PRKAG2: variants seen among roughly 807,000 people sequenced by gnomAD.
The protein encoded by PRKAG2 is 5'-AMP-activated protein kinase subunit gamma-2.
PRKAG2 carries 26 observed loss-of-function variants against 69.6 expected under a neutral mutation model. The ratio of observed to expected loss-of-function variants is 0.37; its 90% CI spans 0.27 to 0.52. The LOEUF (loss-of-function observed/expected upper bound fraction) is 0.52, where lower values mean the gene tolerates loss of function less well. Among genes scored for constraint, PRKAG2 ranks in the 20% least tolerant of loss-of-function variants. The pLI is 0.90. For synonymous variants in PRKAG2, 293 were observed against 285.0 expected, an observed-to-expected ratio of 1.03 and a Z score of -0.28; for missense variants, 557 against 740.0, an observed-to-expected ratio of 0.75 and a Z score of 2.87.
intron 5 of PRKAG2, among the ~76,000 whole-genome samples, chr7:151,611,219 G>C (rs1818757397): frequency 6.6e-6 from 1 of 152,166 alleles, no homozygotes; most frequent in Non-Finnish European, 1.5e-5. Context: ...TCCCCATCTG[G>C]AACCCACACA....
Position 151,836,482 on chromosome 7 carries a change from GA to G in PRKAG2, c.114+40024del, listed in dbSNP as rs2079149857. 6.6e-6 allele frequency among the ~76,000 whole-genome samples: 1 copy of G among 152,234 alleles called. No individual in the cohort carries two copies. Among genetic ancestry groups the G allele is most frequent in the African/African-American group, 2.4e-5 (1 of 41,466 alleles). Reference sequence around the variant, plus strand: ...TCCCTTCACTCAGTCACCAAAACAAGAAACAAAAACAACAACAACAACAAAG... The same window carrying G: ...TCCCTTCACTCAGTCACCAAAACAAGAACAAAAACAACAACAACAACAAAG... On this transcript the variant is annotated intron_variant, in intron 1 of 15. Transcript: ENST00000287878. The surrounding 1 kb of genome is among the most constrained non-coding windows in gnomAD (Gnocchi z 4.1).
At position 151,807,022 on chromosome 7, in the gene PRKAG2, A is replaced by G. The variant is rs969936120; in HGVS notation, c.115-20481T>C. 3 of 454,776 alleles carry G rather than the reference A, an allele frequency of 6.6e-6. No individual in the cohort carries two copies. The highest frequency in any genetic ancestry group is 1.3e-5 in the Non-Finnish European group (3 of 226,012). 28.2% of individuals were successfully genotyped at this position (454,776 alleles called of 1,614,324 possible). A position where few individuals can be genotyped will look rare whatever the true frequency, so the allele number is the denominator to read the frequency against. On this transcript the variant is annotated intron_variant, in intron 1 of 15. Transcript: ENST00000287878. This position sits in a 1 kb window ranked among gnomAD's most constrained non-coding sequence, Gnocchi z 4.4. ...ACCTGGGTTCAGAATTGCGCTGGAC[A>G]TGGGATACACAAAGGTAAGACATGG...
intron 1 of PRKAG2, among the ~76,000 whole-genome samples, chr7:151,797,574 C>T (rs1486481220): frequency 3.9e-5 from 6 of 152,214 alleles, no homozygotes; most frequent in African/African-American, 1.2e-4. Context: ...TCCATATTTA[C>T]AGAGCCATAC....
At chr7:151,824,016 G>T (rs548580123) in intron 1 of PRKAG2, among the ~76,000 whole-genome samples, 1 of 152,302 alleles carries the variant, frequency 6.6e-6, no homozygotes, top group South Asian at 2.1e-4. Context: ...GAGGCCCCCA[G>T]TTATTCTTGG....
chr7:151,683,747 C>G (rs1383072176), intron 3 of PRKAG2, among the ~76,000 whole-genome samples: 1 of 152,128 alleles, frequency 6.6e-6, no homozygotes, highest in Non-Finnish European at 1.5e-5. Flanking sequence ...AGTGCCACAG[C>G]CAGAGAGGGA....
chr7:151,846,068 C>G (rs756113112), intron 1 of PRKAG2, among the ~76,000 whole-genome samples: 1 of 152,194 alleles, frequency 6.6e-6, no homozygotes, highest in Non-Finnish European at 1.5e-5. Flanking sequence ...CCCCTACTTG[C>G]GGTGTGTGAG....
At chr7:151,595,605 CTCACTAAT>C (rs1814300232) in intron 5 of PRKAG2, 151 bp from the exon 6 acceptor site, 1 of 675,244 alleles carries the variant, frequency 1.5e-6, no homozygotes, top group Non-Finnish European at 2.7e-6. Flanking sequence ...GATGCTCACT[CTCACTAAT>C]TCTATGAACA....
chr7:151,583,440 C>T lies in PRKAG2; in HGVS notation c.865-6988G>A, dbSNP rs1018174085. On this transcript the variant is annotated intron_variant, in intron 6 of 15. Coordinates refer to ENST00000287878, the MANE Select transcript of PRKAG2 (RefSeq NM_016203.4). This position sits in a 1 kb window ranked among gnomAD's most constrained non-coding sequence, Gnocchi z 4.1. Reference sequence around the variant, plus strand: ...GTACAATGCATTAAAGAGCAGTGTCCTGGGTGAGCTCGGGAGGGGCCTGAC... The same window carrying T: ...GTACAATGCATTAAAGAGCAGTGTCTTGGGTGAGCTCGGGAGGGGCCTGAC... 7.2e-5 allele frequency among the ~76,000 whole-genome samples: 11 copies of T among 152,312 alleles called. 1 individual carries two copies. The highest frequency in any genetic ancestry group is 7.2e-4 in the Admixed American group (11 of 15,302).
chr7:151,727,759 T>C (rs73728282), intron 3 of PRKAG2, among the ~76,000 whole-genome samples: 2,964 of 152,202 alleles, frequency 0.019, 155 homozygotes, highest in East Asian at 0.16. Context: ...AGGCCCTGTA[T>C]CCCCTGGGAG....
Position 151,638,640 on chromosome 7 carries a change from A to T in PRKAG2, c.685-6502T>A, listed in dbSNP as rs1479949821. Among the ~76,000 whole-genome samples, 1 of 152,144 alleles carries T rather than the reference A, an allele frequency of 6.6e-6. No homozygotes were observed. Among genetic ancestry groups the T allele is most frequent in the Non-Finnish European group, 1.5e-5 (1 of 68,024 alleles). ...AGAGTGAGACTCTGTCTCAAAAAAA[A>T]AAGCTAAATTATTAAGTTGTGTCTT... On this transcript the variant is annotated intron_variant, in intron 4 of 15. Transcript: ENST00000287878. This position sits in a 1 kb window ranked among gnomAD's most constrained non-coding sequence, Gnocchi z 4.3.
chr7:151,714,675 C>T (rs549473895), intron 3 of PRKAG2, among the ~76,000 whole-genome samples: 13 of 152,228 alleles, frequency 8.5e-5, no homozygotes, highest in South Asian at 6.2e-4. Context: ...GTGGGCCGGG[C>T]GCAGTAGCTC....
intron 3 of PRKAG2, among the ~76,000 whole-genome samples, chr7:151,759,216 C>T (rs2075277734): frequency 6.6e-6 from 1 of 152,162 alleles, no homozygotes; most frequent in African/African-American, 2.4e-5. Context: ...GCATCGTGGG[C>T]CCCTCCGCCA....
intron 1 of PRKAG2, among the ~76,000 whole-genome samples, chr7:151,794,586 C>T (rs896324345): frequency 1.3e-5 from 2 of 152,284 alleles, no homozygotes; most frequent in Admixed American, 6.5e-5. Context: ...AAGGCATCAT[C>T]ACCAGGGCAG....
chr7:151,753,012 G>GC (rs2074817320), intron 3 of PRKAG2, among the ~76,000 whole-genome samples: 1 of 152,256 alleles, frequency 6.6e-6, no homozygotes, highest in Non-Finnish European at 1.5e-5. Flanking sequence ...GCCCAGGGCA[G>GC]CCCACGGATG....
rs1226285320 is a variant in PRKAG2, at chr7:151,614,165, C to T, written c.754+17904G>A. Among the ~76,000 whole-genome samples, 2 of 152,162 alleles carry T rather than the reference C, an allele frequency of 1.3e-5. No homozygotes were observed. Among genetic ancestry groups the T allele is most frequent in the African/African-American group, 4.8e-5 (2 of 41,430 alleles). ...GAGCGCCCCAGCCAGCACTCCAACA[C>T]GGCCTGTCAGGGGAGGTGACGCTGT... is the stretch of plus-strand genomic sequence containing the variant. On this transcript the variant is annotated intron_variant, in intron 5 of 15. Transcript: ENST00000287878. This position sits in a 1 kb window ranked among gnomAD's most constrained non-coding sequence, Gnocchi z 4.4.
intron 8 of PRKAG2, 147 bp downstream of exon 8, chr7:151,574,744 T>C (rs967294134): frequency 3.0e-5 from 33 of 1,098,248 alleles, no homozygotes; most frequent in Non-Finnish European, 3.7e-5. Context: ...CTGCATGTTA[T>C]ATAGATTTGG....
intron 1 of PRKAG2, among the ~76,000 whole-genome samples, chr7:151,863,895 C>T (rs1296727292): frequency 1.2e-5 from 1 of 84,226 alleles, no homozygotes; most frequent in Non-Finnish European, 2.4e-5. Flanking sequence ...CAGAGCAAAA[C>T]CCTGTCTCAA....
chr7:151,697,050 C>T (rs1019922461), intron 3 of PRKAG2, among the ~76,000 whole-genome samples: 2 of 151,884 alleles, frequency 1.3e-5, no homozygotes, highest in East Asian at 1.9e-4. Context: ...TCTGAGTCAG[C>T]GGGATGGAGG....
At chr7:151,587,435 G>A (rs1003751994) in intron 6 of PRKAG2, among the ~76,000 whole-genome samples, 1 of 152,102 alleles carries the variant, frequency 6.6e-6, no homozygotes. Flanking sequence ...TGGGCTGTAC[G>A]TGGTGACTTC....
Sources: allele counts gnomAD v4.1 joint callset (sites outside exome capture counted in the v4.1 genomes callset), GRCh38; gene constraint gnomAD v4.1.1; non-coding constraint Gnocchi (gnomAD v3.1); transcripts MANE v1.5; gene names NCBI Gene and HGNC (gene_info 2026-07-23, HGNC 2026-07-21).